Variants in NEMP2 observed in about 807,000 individuals in gnomAD.
NEMP2 encodes the protein nuclear envelope integral membrane protein 2.
In NEMP2, 53 loss-of-function variants were observed where a neutral mutation model predicts 54.2. The ratio of observed to expected loss-of-function variants is 0.98; its 90% CI spans 0.78 to 1.23. The LOEUF (loss-of-function observed/expected upper bound fraction) is 1.23, where lower values mean the gene tolerates loss of function less well. Among genes scored for constraint, NEMP2 ranks in the 50% most tolerant of loss-of-function variants. NEMP2 has a pLI of 0.00. For missense variants in NEMP2, 455 were observed against 511.3 expected, an observed-to-expected ratio of 0.89 and a Z score of 1.06; for synonymous variants, 197 against 190.3, an observed-to-expected ratio of 1.04 and a Z score of -0.29.
the NEMP2 span, chr2:190,648,208 G>C: frequency 3.9e-5 from 6 of 152,370 alleles, no homozygotes; most frequent in African/African-American, 1.4e-4. Flanking sequence ...AAAAAGGTTG[G>C]AATTAAATTA....
chr2:190,490,227 G>A, the NEMP2 span, among the ~76,000 whole-genome samples: 1 of 151,534 alleles, frequency 6.6e-6, no homozygotes, highest in Non-Finnish European at 1.5e-5. This position sits in a 1 kb window ranked among gnomAD's most constrained non-coding sequence, Gnocchi z 4.5. Flanking sequence ...GATAGGGAGT[G>A]AGTGGTAATC....
Position 190,517,544 on chromosome 2 carries a change from C to A in NEMP2, c.588G>T (p.Leu196=). Residue 196 remains leucine, a synonymous_variant, in exon 5 of 9, where the codon CTG becomes CTT. Transcript: ENST00000409150. The part of the protein sequence containing the change: ...GVLMTLVFVL[L]LVKRFIPKYS... ...CCTTCGGAATGAATCTTTTCACCAACAGCAAGACAAAGACTAATGTCATTA... is the reference window on the plus strand; with the variant it reads ...CCTTCGGAATGAATCTTTTCACCAAAAGCAAGACAAAGACTAATGTCATTA... The A allele has an allele frequency of 6.5e-7, 1 of 1,549,988 alleles. No homozygotes were observed. Among genetic ancestry groups the A allele is most frequent in the Non-Finnish European group, 8.7e-7 (1 of 1,146,344 alleles).
the NEMP2 span, among the ~76,000 whole-genome samples, chr2:190,549,991 A>G: frequency 1.3e-5 from 2 of 152,224 alleles, no homozygotes; most frequent in African/African-American, 4.8e-5. Context: ...ATAACTCTAC[A>G]AATAAAATAT....
chr2:190,567,601 C>A, the NEMP2 span, among the ~76,000 whole-genome samples: 2 of 152,034 alleles, frequency 1.3e-5, no homozygotes, highest in African/African-American at 4.8e-5. The surrounding 1 kb of genome is among the most constrained non-coding windows in gnomAD (Gnocchi z 4.0). Flanking sequence ...CAATATTGGA[C>A]TAGGGAAAGC....
rs554241713 is a variant in NEMP2 at position 190,513,461 on chromosome 2, G to C, written c.953+992C>G. Among the ~76,000 whole-genome samples, 7 of 152,288 alleles carry C rather than the reference G, an allele frequency of 4.6e-5. No individual in the cohort carries two copies. The South Asian group carries it at 1.4e-3, about 32-fold the overall frequency. On this transcript the variant is annotated intron_variant, in intron 7 of 8. Coordinates refer to ENST00000409150, the MANE Select transcript of NEMP2 (RefSeq NM_001142645.2). The surrounding 1 kb of genome is among the most constrained non-coding windows in gnomAD (Gnocchi z 5.3). ...CCCCTGCTCAGCATCACTCACCATA[G>C]TATCTGCCTGGGTCCTAAGCAACTG...
At chr2:190,620,774 A>C in the NEMP2 span, among the ~76,000 whole-genome samples, 2 of 152,338 alleles carry the variant, frequency 1.3e-5, no homozygotes. This position sits in a 1 kb window ranked among gnomAD's most constrained non-coding sequence, Gnocchi z 4.9. Flanking sequence ...AGGCAATTAG[A>C]CAAGAAAAAG....
In NEMP2 at chr2:190,533,918, G is replaced by A. The variant is rs1691253705; in HGVS notation, c.97+641C>T. 1 of 948,890 alleles carries A rather than the reference G, an allele frequency of 1.1e-6. No homozygotes were observed. Among genetic ancestry groups the A allele is most frequent in the Non-Finnish European group, 1.3e-6 (1 of 796,736 alleles). 58.8% of individuals were successfully genotyped at this position (948,890 alleles called of 1,614,324 possible). On this transcript the variant is annotated intron_variant, in intron 1 of 8. Coordinates refer to ENST00000409150, the MANE Select transcript of NEMP2 (RefSeq NM_001142645.2). This position sits in a 1 kb window ranked among gnomAD's most constrained non-coding sequence, Gnocchi z 4.3. ...GCATCTTAAGCCCACTCCGTGGCGA[G>A]CCCCTACAGCTAGCAGCCGCTACCA...
chr2:190,474,270 T>G, the NEMP2 span, among the ~76,000 whole-genome samples: 1 of 152,018 alleles, frequency 6.6e-6, no homozygotes, highest in Non-Finnish European at 1.5e-5. Flanking sequence ...AATCAATGAA[T>G]CCAGGAGCTG....
At chr2:190,542,168 C>G in the NEMP2 span, among the ~76,000 whole-genome samples, 4 of 152,096 alleles carry the variant, frequency 2.6e-5, no homozygotes, top group African/African-American at 9.7e-5. This position sits in a 1 kb window ranked among gnomAD's most constrained non-coding sequence, Gnocchi z 4.6. Flanking sequence ...AGCTTTCTAC[C>G]TCTTGCTCTT....
chr2:190,546,212 G>A, the NEMP2 span, among the ~76,000 whole-genome samples: 9 of 147,228 alleles, frequency 6.1e-5, no homozygotes, highest in African/African-American at 2.0e-4. The surrounding 1 kb of genome is among the most constrained non-coding windows in gnomAD (Gnocchi z 5.1). Context: ...ACCACAGACA[G>A]AAAATTTTTT....
chr2:190,565,809 A>G, the NEMP2 span, among the ~76,000 whole-genome samples: 4 of 152,256 alleles, frequency 2.6e-5, no homozygotes, highest in Admixed American at 2.6e-4. Flanking sequence ...CCATTAGGAT[A>G]GGGCAGTAAT....
chr2:190,518,682 T>A (rs1215361594), intron 4 of NEMP2, 54 bp downstream of exon 4: 21 of 1,361,562 alleles, frequency 1.5e-5, no homozygotes, highest in Non-Finnish European at 2.1e-5. Flanking sequence ...TGGTCAAAAA[T>A]GATCTAAATC....
At chr2:190,460,038 A>G in the NEMP2 span, among the ~76,000 whole-genome samples, 1 of 152,190 alleles carries the variant, frequency 6.6e-6, no homozygotes, top group Non-Finnish European at 1.5e-5. Context: ...ATGCTGTGGG[A>G]CTACCACTGA....
At chr2:190,618,203 T>C in the NEMP2 span, among the ~76,000 whole-genome samples, 6 of 152,216 alleles carry the variant, frequency 3.9e-5, no homozygotes, top group Non-Finnish European at 8.8e-5. Flanking sequence ...TTTTGGCTGT[T>C]TGCCTCATTG....
Position 190,510,451 on chromosome 2 carries a change from G to C in NEMP2, c.1040C>G (p.Thr347Arg). The change falls in exon 8 of 9, where the codon ACG becomes AGG. Residue 347 changes from threonine (T) to arginine (R), a missense_variant. Thr to Arg is a moderately conservative substitution (Grantham distance 71). Around this residue, in one of 3 missense-constraint regions of NEMP2, gnomAD observed 294 missense variants for 333.6 expected, o/e 0.88. Transcript: ENST00000409150. The surrounding 1 kb of genome is among the most constrained non-coding windows in gnomAD (Gnocchi z 5.7). ...DEYREQADAETNSALEELRRA... is the reference protein window; with the variant it reads ...DEYREQADAERNSALEELRRA... Reference sequence around the variant, plus strand: ...GCGTAGCTCCTCCAGAGCACTGTTCGTTTCAGCATCAGCTTGCTCCCTGTA... The same window carrying C: ...GCGTAGCTCCTCCAGAGCACTGTTCCTTTCAGCATCAGCTTGCTCCCTGTA... 6.4e-7 allele frequency: 1 copy of C among 1,551,780 alleles called. No individual in the cohort carries two copies. The highest frequency in any genetic ancestry group is 8.7e-7 in the Non-Finnish European group (1 of 1,147,010).
At chr2:190,620,057 A>G in the NEMP2 span, among the ~76,000 whole-genome samples, 6 of 152,264 alleles carry the variant, frequency 3.9e-5, no homozygotes, top group South Asian at 1.2e-3. This position sits in a 1 kb window ranked among gnomAD's most constrained non-coding sequence, Gnocchi z 4.9. Context: ...CAAATCAGCA[A>G]TTCTTTTCCA....
chr2:190,572,610 G>T, the NEMP2 span, among the ~76,000 whole-genome samples: 1 of 151,902 alleles, frequency 6.6e-6, no homozygotes, highest in Non-Finnish European at 1.5e-5. Context: ...GTATCACACA[G>T]TTGCAATATA....
Position 190,519,648 on chromosome 2 carries a change from G to GATCT in NEMP2, c.214-469_214-466dup, listed in dbSNP as rs1423209699. Among the ~76,000 whole-genome samples, 3 of 152,222 alleles carry GATCT rather than the reference G, an allele frequency of 2.0e-5. No homozygotes were observed. Among genetic ancestry groups the GATCT allele is most frequent in the Non-Finnish European group, 4.4e-5 (3 of 68,040 alleles). On this transcript the variant is annotated intron_variant, in intron 2 of 8. Coordinates refer to ENST00000409150, the MANE Select transcript of NEMP2 (RefSeq NM_001142645.2). This position sits in a 1 kb window ranked among gnomAD's most constrained non-coding sequence, Gnocchi z 5.4. ...TCTGATCCCAGAGGTGGACTCAAGA[G>GATCT]ATCTGTATTTAGTCCAAACACACGC...
the NEMP2 span, among the ~76,000 whole-genome samples, chr2:190,621,743 A>C: frequency 6.6e-6 from 1 of 152,332 alleles, no homozygotes; most frequent in Non-Finnish European, 1.5e-5. Flanking sequence ...AAACCTTCAC[A>C]TGATGGTCAA....
Sources: allele counts gnomAD v4.1 joint callset (sites outside exome capture counted in the v4.1 genomes callset), GRCh38; gene constraint gnomAD v4.1.1; regional missense constraint gnomAD v4.1.1; non-coding constraint Gnocchi (gnomAD v3.1); transcripts MANE v1.5; gene names NCBI Gene and HGNC (gene_info 2026-07-23, HGNC 2026-07-21).